Variants in KCNK2 observed in about 807,000 individuals in gnomAD.
KCNK2 encodes potassium two pore domain channel subfamily K member 2.
KCNK2 carries 21 observed loss-of-function variants against 40.5 expected under a neutral mutation model. The observed-to-expected ratio is 0.52, with a 90% confidence interval of 0.37 to 0.75. The LOEUF (loss-of-function observed/expected upper bound fraction) is 0.75, where lower values mean the gene tolerates loss of function less well. Among genes scored for constraint, KCNK2 ranks in the 30% least tolerant of loss-of-function variants. The pLI is 0.00. For missense variants in KCNK2, 399 were observed against 531.6 expected, an observed-to-expected ratio of 0.75 and a Z score of 2.45; for synonymous variants, 191 against 202.2, an observed-to-expected ratio of 0.94 and a Z score of 0.47.
At chr1:215,122,479 C>T (rs1661231143) in intron 2 of KCNK2, among the ~76,000 whole-genome samples, 1 of 152,016 alleles carries the variant, frequency 6.6e-6, no homozygotes, top group Non-Finnish European at 1.5e-5. Flanking sequence ...TCAAGCTTCA[C>T]TGTGTGTTGT....
At chr1:215,120,275 G>C (rs966797786) in intron 2 of KCNK2, among the ~76,000 whole-genome samples, 1 of 152,084 alleles carries the variant, frequency 6.6e-6, no homozygotes, top group African/African-American at 2.4e-5. Context: ...GGTTATGAAG[G>C]CTATATTAAA....
chr1:215,046,479 A>G (rs1657774021), intron 1 of KCNK2, among the ~76,000 whole-genome samples: 1 of 152,076 alleles, frequency 6.6e-6, no homozygotes, highest in African/African-American at 2.4e-5. Flanking sequence ...ATTTTCTGAT[A>G]TAAAATACTC....
At chr1:215,040,140 A>C (rs1452618) in intron 1 of KCNK2, among the ~76,000 whole-genome samples, 129,614 of 152,100 alleles carry the variant, frequency 0.85, 55,518 homozygotes, top group East Asian at 0.99. Flanking sequence ...TTGAGTCAGG[A>C]AATCTGGGTT....
At chr1:215,006,922 G>GGTT (rs1656145686) in intron 1 of KCNK2, among the ~76,000 whole-genome samples, 1 of 143,814 alleles carries the variant, frequency 7.0e-6, no homozygotes, top group African/African-American at 2.6e-5. Context: ...TGCTATTCTT[G>GGTT]GTTGTTTTTC....
intron 1 of KCNK2, among the ~76,000 whole-genome samples, chr1:215,024,095 G>A (rs1048583876): frequency 1.8e-4 from 28 of 152,206 alleles, no homozygotes; most frequent in Non-Finnish European, 4.0e-4. Context: ...GCTTCTGGAA[G>A]AGTAAGGTGG....
At chr1:215,230,092 T>TACACACAC (rs59050433) in intron 6 of KCNK2, among the ~76,000 whole-genome samples, 2 of 141,242 alleles carry the variant, frequency 1.4e-5, no homozygotes, top group Non-Finnish European at 3.0e-5. Flanking sequence ...TGTGTGTGTA[T>TACACACAC]ACACACACAC....
intron 5 of KCNK2, 75 bp from the exon 6 acceptor site, chr1:215,194,878 G>C (rs1371170888): frequency 7.2e-6 from 10 of 1,392,486 alleles, no homozygotes; most frequent in Non-Finnish European, 1.0e-5. Context: ...AATTTAGTTA[G>C]TAATTTTAGC....
intron 2 of KCNK2, among the ~76,000 whole-genome samples, chr1:215,103,405 T>A (rs1296414202): frequency 6.6e-6 from 1 of 152,080 alleles, no homozygotes; most frequent in Admixed American, 6.6e-5. Context: ...AAATTTATTT[T>A]GTATTAAAAA....
At chr1:215,131,644 T>C (rs1336816840) in intron 3 of KCNK2, among the ~76,000 whole-genome samples, 4 of 149,664 alleles carry the variant, frequency 2.7e-5, no homozygotes, top group African/African-American at 9.8e-5. Flanking sequence ...CATTTATCAC[T>C]CAATTATTAT....
At chr1:215,055,037 AG>A (rs1658109674) in intron 1 of KCNK2, among the ~76,000 whole-genome samples, 2 of 152,228 alleles carry the variant, frequency 1.3e-5, no homozygotes, top group South Asian at 4.1e-4. Flanking sequence ...TTGCTTATTT[AG>A]GCACATTATA....
At chr1:215,097,430 A>G (rs1660026479) in intron 2 of KCNK2, among the ~76,000 whole-genome samples, 1 of 139,432 alleles carries the variant, frequency 7.2e-6, no homozygotes. Context: ...TTTTTTTCTT[A>G]AAAAAAAAAA....
chr1:215,235,169 C>G lies in KCNK2; in HGVS notation c.*24C>G. On this transcript the variant is annotated 3_prime_UTR_variant, in exon 7 of 7. Coordinates refer to ENST00000444842, the MANE Select transcript of KCNK2 (RefSeq NM_001017425.3). ...AGCCCTCTCTTTAAATAACCTTAGG[C>G]ATAGCCATAGGTGAGGACTTCTCTA... is the stretch of plus-strand genomic sequence containing the variant. The G allele has an allele frequency of 6.4e-7, 1 of 1,570,990 alleles. No individual in the cohort carries two copies.
chr1:215,048,433 C>A (rs1236773397), intron 1 of KCNK2, among the ~76,000 whole-genome samples: 1 of 152,140 alleles, frequency 6.6e-6, no homozygotes, highest in Non-Finnish European at 1.5e-5. Flanking sequence ...AAATTTCATG[C>A]AAAATCTTCA....
intron 3 of KCNK2, among the ~76,000 whole-genome samples, chr1:215,149,751 G>A (rs954430582): frequency 1.8e-4 from 28 of 152,168 alleles, no homozygotes; most frequent in Non-Finnish European, 7.3e-5. Context: ...AGTCACTAGT[G>A]GGATATCTTC....
upstream of KCNK2, among the ~76,000 whole-genome samples, chr1:215,080,568 T>A (rs1558080599): frequency 6.6e-6 from 1 of 151,268 alleles, no homozygotes; most frequent in Non-Finnish European, 1.5e-5. Flanking sequence ...CAGATGTTTA[T>A]CAAACACGTA....
chr1:215,200,969 A>T (rs10494995), intron 6 of KCNK2, among the ~76,000 whole-genome samples: 22,679 of 152,088 alleles, frequency 0.15, 3,668 homozygotes, highest in African/African-American at 0.41. Context: ...CGTGCCTGGA[A>T]TGTAGGAGAA....
intron 3 of KCNK2, among the ~76,000 whole-genome samples, chr1:215,143,255 G>T (rs942530733): frequency 2.4e-4 from 36 of 152,136 alleles, no homozygotes; most frequent in African/African-American, 8.2e-4. Flanking sequence ...AGAAGTGGAA[G>T]TGTTTTGTAT....
chr1:215,136,963 T>C (rs1052339643), intron 3 of KCNK2, among the ~76,000 whole-genome samples: 11 of 152,232 alleles, frequency 7.2e-5, no homozygotes, highest in Admixed American at 4.6e-4. Context: ...AAACTGTGTC[T>C]TCTTAACTTT....
At chr1:215,177,651 A>G (rs1558126511) in intron 5 of KCNK2, among the ~76,000 whole-genome samples, 1 of 150,312 alleles carries the variant, frequency 6.7e-6, no homozygotes, top group Non-Finnish European at 1.5e-5. Flanking sequence ...TTTGTCAAAC[A>G]TCACATGACT....
Sources: gnomAD v4.1 joint callset for allele counts (sites outside exome capture counted in the v4.1 genomes callset) on GRCh38, gnomAD v4.1.1 for gene constraint, MANE v1.5 for transcripts, NCBI Gene and HGNC (gene_info 2026-07-23, HGNC 2026-07-21) for gene names.